The following DNER variants were observed in gnomAD, a reference collection of about 807,000 sequenced individuals.
DNER encodes delta/notch like EGF repeat containing, also known as delta and Notch-like epidermal growth factor-related receptor.
In DNER, 33 loss-of-function variants were observed where a neutral mutation model predicts 78.2. The observed-to-expected ratio is 0.42, with a 90% CI of 0.32 to 0.56. The LOEUF (loss-of-function observed/expected upper bound fraction) is 0.56. Ranked by LOEUF, DNER falls within the 20% of genes least tolerant of loss-of-function variation. DNER has a pLI of 0.11. For missense variants in DNER, 918 were observed against 975.3 expected (o/e 0.94, Z 0.78); for synonymous variants, 417 against 384.8 (o/e 1.08, Z -0.98).
intron 5 of DNER, among the ~76,000 whole-genome samples, chr2:229,529,914 C>G (rs916125700): frequency 6.6e-6 from 1 of 151,772 alleles, no homozygotes. Flanking sequence ...GAGACTGAGG[C>G]GGGAGGATTG....
rs763572496 is a variant in DNER, at chr2:229,397,463, C to CAAAAAAAAAAAA, written c.1724-9079_1724-9068dup. On this transcript the variant is annotated intron_variant, in intron 10 of 12. Transcript: ENST00000341772. ...ACTGCTCCACTCCAGCCAAACACTA[C>CAAAAAAAAAAAA]AAAAAAAAAAAAAAAACTGCAAGTC... is the stretch of plus-strand genomic sequence containing the variant. Among the ~76,000 whole-genome samples, 119 of 96,582 alleles carry CAAAAAAAAAAAA rather than the reference C, an allele frequency of 1.2e-3. 4 individuals are homozygous for CAAAAAAAAAAAA. Among genetic ancestry groups the CAAAAAAAAAAAA allele is most frequent in the East Asian group, 3.6e-3 (11 of 3,060 alleles). 63.4% of individuals were successfully genotyped at this position (96,582 alleles called of 152,430 possible). A position where few individuals can be genotyped will look rare whatever the true frequency, so the allele number is the denominator to read the frequency against.
At chr2:229,380,433 G>A (rs1692710498) in intron 11 of DNER, among the ~76,000 whole-genome samples, 1 of 152,186 alleles carries the variant, frequency 6.6e-6, no homozygotes, top group East Asian at 1.9e-4. Flanking sequence ...CAAAAGGTGA[G>A]TGAGCAGGTG....
intron 1 of DNER, among the ~76,000 whole-genome samples, chr2:229,675,971 G>A (rs930971918): frequency 4.6e-5 from 7 of 152,164 alleles, no homozygotes; most frequent in Non-Finnish European, 2.9e-5. Context: ...CCAGGAGAAG[G>A]AAGCTGCAGT....
chr2:229,695,328 C>T (rs983557551), intron 1 of DNER, among the ~76,000 whole-genome samples: 1 of 152,142 alleles, frequency 6.6e-6, no homozygotes, highest in African/African-American at 2.4e-5. Context: ...GATTAAAACA[C>T]ATAATATAGG....
At chr2:229,612,564 C>T (rs1698068794) in intron 1 of DNER, among the ~76,000 whole-genome samples, 1 of 152,174 alleles carries the variant, frequency 6.6e-6, no homozygotes, top group Non-Finnish European at 1.5e-5. Flanking sequence ...GAGAGCTGTC[C>T]CTCGGAAGCT....
intron 4 of DNER, among the ~76,000 whole-genome samples, chr2:229,567,628 C>T (rs1369201288): frequency 6.6e-6 from 1 of 152,212 alleles, no homozygotes; most frequent in Non-Finnish European, 1.5e-5. Context: ...ATATCTTGAG[C>T]ACAGAGCCCC....
At chr2:229,391,279 AT>A (rs1473445748) in intron 10 of DNER, among the ~76,000 whole-genome samples, 1 of 152,192 alleles carries the variant, frequency 6.6e-6, no homozygotes. Flanking sequence ...GTTTTAACTT[AT>A]TTTATTATAA....
intron 1 of DNER, among the ~76,000 whole-genome samples, chr2:229,604,086 C>T (rs576410351): frequency 1.3e-5 from 2 of 152,282 alleles, no homozygotes; most frequent in African/African-American, 4.8e-5. Context: ...TTTGACCTTC[C>T]TTCTAGAAGA....
intron 3 of DNER, chr2:229,586,643 C>T: frequency 1.0e-6 from 1 of 985,016 alleles, no homozygotes; most frequent in South Asian, 4.7e-5. Context: ...TTTCTCCTCA[C>T]AGCCCAATGC....
chr2:229,564,009 CCAT>C (rs1362703911), intron 4 of DNER, among the ~76,000 whole-genome samples: 4 of 135,502 alleles, frequency 3.0e-5, no homozygotes, highest in East Asian at 5.2e-4. Context: ...CACCCCATCA[CCAT>C]CATCATCATC....
At chr2:229,469,838 G>A (rs1386893383) in intron 7 of DNER, among the ~76,000 whole-genome samples, 2 of 152,178 alleles carry the variant, frequency 1.3e-5, no homozygotes, top group African/African-American at 4.8e-5. Context: ...ACCTACTCAG[G>A]AAGCTGAGGC....
intron 7 of DNER, among the ~76,000 whole-genome samples, chr2:229,462,743 C>T (rs1022081962): frequency 1.3e-5 from 2 of 152,108 alleles, no homozygotes; most frequent in African/African-American, 2.4e-5. Flanking sequence ...ATTTGACCTC[C>T]TTTCCATAGG....
chr2:229,590,442 TA>T, intron 2 of DNER, among the ~76,000 whole-genome samples: 1 of 152,182 alleles, frequency 6.6e-6, no homozygotes, highest in Non-Finnish European at 1.5e-5. Flanking sequence ...GTACCAAAAA[TA>T]GAACCTAAAT....
intron 5 of DNER, among the ~76,000 whole-genome samples, chr2:229,541,048 C>T (rs1696503029): frequency 6.6e-6 from 1 of 152,198 alleles, no homozygotes; most frequent in Non-Finnish European, 1.5e-5. Flanking sequence ...TCCATGTGGA[C>T]TTGAAATGAT....
At chr2:229,466,840 C>G (rs1040747409) in intron 7 of DNER, among the ~76,000 whole-genome samples, 4 of 152,160 alleles carry the variant, frequency 2.6e-5, no homozygotes, top group Non-Finnish European at 4.4e-5. Flanking sequence ...AATACACAGT[C>G]AGATCCGATT....
intron 8 of DNER, among the ~76,000 whole-genome samples, chr2:229,418,781 C>T (rs1011603623): frequency 6.6e-6 from 1 of 151,932 alleles, no homozygotes; most frequent in South Asian, 2.1e-4. Context: ...ATTAGCCAGG[C>T]GTGGTGGCGG....
At chr2:229,596,626 G>A (rs1697719249) in intron 1 of DNER, among the ~76,000 whole-genome samples, 1 of 152,212 alleles carries the variant, frequency 6.6e-6, no homozygotes, top group Non-Finnish European at 1.5e-5. Context: ...AGGTCCCATG[G>A]CAATGTTCAA....
chr2:229,535,832 CG>C (rs72105231), intron 5 of DNER, among the ~76,000 whole-genome samples: 3,806 of 152,110 alleles, frequency 0.025, 161 homozygotes, highest in African/African-American at 0.087. Flanking sequence ...TTAGTTGAGA[CG>C]GGGTTTCACC....
intron 4 of DNER, among the ~76,000 whole-genome samples, chr2:229,558,464 A>G (rs1243646890): frequency 6.6e-6 from 1 of 152,236 alleles, no homozygotes; most frequent in African/African-American, 2.4e-5. Context: ...AAGGCATTCT[A>G]TCATCATCTG....
Sources: allele counts gnomAD v4.1 joint callset (sites outside exome capture counted in the v4.1 genomes callset), GRCh38; gene constraint gnomAD v4.1.1; transcripts MANE v1.5; gene names NCBI Gene and HGNC (gene_info 2026-07-23, HGNC 2026-07-21).